CADM2: variants seen among roughly 807,000 people sequenced by gnomAD.
CADM2 encodes the protein cell adhesion molecule 2.
In CADM2, 12 loss-of-function variants were observed where a neutral mutation model predicts 49.8. The ratio of observed to expected loss-of-function variants is 0.24; its 90% CI spans 0.15 to 0.39. The LOEUF (loss-of-function observed/expected upper bound fraction) is 0.39, where lower values mean the gene tolerates loss of function less well. Among genes scored for constraint, CADM2 ranks in the 10% least tolerant of loss-of-function variants. The pLI is 1.00. For synonymous variants in CADM2, 214 were observed against 175.4 expected (o/e 1.22, Z -1.74); for missense variants, 378 against 492.3 (o/e 0.77, Z 2.20).
chr3:85,348,260 T>C (rs2030969964), intron 1 of CADM2, among the ~76,000 whole-genome samples: 1 of 152,188 alleles, frequency 6.6e-6, no homozygotes, highest in South Asian at 2.1e-4. Context: ...GGAAAGGCCA[T>C]GCTTATGTTC....
At chr3:85,647,894 T>C (rs1216461204) in intron 1 of CADM2, among the ~76,000 whole-genome samples, 1 of 151,886 alleles carries the variant, frequency 6.6e-6, no homozygotes, top group East Asian at 1.9e-4. Flanking sequence ...TGATTAGTGT[T>C]TATGTATCAA....
At chr3:85,750,736 C>G (rs544109247) in intron 2 of CADM2, among the ~76,000 whole-genome samples, 5 of 151,874 alleles carry the variant, frequency 3.3e-5, no homozygotes, top group Non-Finnish European at 7.4e-5. Flanking sequence ...TGCTCTGGCA[C>G]TAAGATAAAA....
intron 1 of CADM2, among the ~76,000 whole-genome samples, chr3:85,158,877 T>A (rs937712570): frequency 1.8e-4 from 27 of 151,802 alleles, no homozygotes; most frequent in South Asian, 1.2e-3. Context: ...AATAAAAATT[T>A]AAAAAAAATT....
chr3:85,765,271 A>G (rs1298173256), intron 2 of CADM2, among the ~76,000 whole-genome samples: 1 of 152,100 alleles, frequency 6.6e-6, no homozygotes, highest in Admixed American at 6.5e-5. Flanking sequence ...ATCAACCTGG[A>G]TGCTTCTAAG....
At chr3:85,504,505 G>C (rs2040239656) in intron 1 of CADM2, among the ~76,000 whole-genome samples, 1 of 152,198 alleles carries the variant, frequency 6.6e-6, no homozygotes, top group East Asian at 1.9e-4. Context: ...GATTGGTAGA[G>C]CCGAGTGGTC....
intron 1 of CADM2, among the ~76,000 whole-genome samples, chr3:85,109,243 G>T (rs1390157255): frequency 4.6e-5 from 7 of 151,960 alleles, no homozygotes; most frequent in African/African-American, 1.7e-4. Flanking sequence ...TCCAGACACA[G>T]ATTATTTTTC....
intron 3 of CADM2, among the ~76,000 whole-genome samples, chr3:85,860,740 AC>A (rs1442634485): frequency 6.6e-6 from 1 of 152,080 alleles, no homozygotes; most frequent in Non-Finnish European, 1.5e-5. Flanking sequence ...TTATTCCATC[AC>A]CTTGGGAGTT....
intron 1 of CADM2, among the ~76,000 whole-genome samples, chr3:85,035,325 A>T (rs1328857224): frequency 6.6e-6 from 1 of 151,996 alleles, no homozygotes; most frequent in South Asian, 2.1e-4. Flanking sequence ...TTATTAATTC[A>T]TTGTCTGATG....
At chr3:85,836,700 G>T (rs576961928) in intron 3 of CADM2, among the ~76,000 whole-genome samples, 20 of 151,638 alleles carry the variant, frequency 1.3e-4, no homozygotes, top group African/African-American at 4.6e-4. Flanking sequence ...GATATCCAGG[G>T]AAACTTCAAA....
chr3:85,012,646 C>T (rs1295265299), intron 1 of CADM2, among the ~76,000 whole-genome samples: 1 of 150,934 alleles, frequency 6.6e-6, no homozygotes, highest in Non-Finnish European at 1.5e-5. Flanking sequence ...TTATATGCAT[C>T]TTCATAAAGT....
intron 1 of CADM2, among the ~76,000 whole-genome samples, chr3:85,347,142 A>C (rs928719154): frequency 7.1e-6 from 1 of 141,758 alleles, no homozygotes; most frequent in African/African-American, 2.6e-5. Context: ...AGAATACTTG[A>C]ATCCAGCCGG....
intron 1 of CADM2, among the ~76,000 whole-genome samples, chr3:85,089,188 G>A (rs1044908097): frequency 2.6e-5 from 4 of 152,026 alleles, no homozygotes; most frequent in African/African-American, 7.2e-5. Context: ...ATATTTTGAA[G>A]AAATCTGACA....
chr3:85,769,237 CACATATAT>C (rs1309552955), intron 2 of CADM2, among the ~76,000 whole-genome samples: 5 of 117,840 alleles, frequency 4.2e-5, no homozygotes, highest in South Asian at 2.4e-4. Flanking sequence ...CACACATATA[CACATATAT>C]ACATATATAG....
intron 6 of CADM2, among the ~76,000 whole-genome samples, chr3:85,929,787 T>A (rs1398380025): frequency 6.6e-6 from 1 of 152,078 alleles, no homozygotes; most frequent in African/African-American, 2.4e-5. Context: ...ATAGTAGTTC[T>A]AAACGCATTT....
chr3:85,478,218 A>G (rs557233442), intron 1 of CADM2, among the ~76,000 whole-genome samples: 2 of 152,032 alleles, frequency 1.3e-5, no homozygotes, highest in South Asian at 2.1e-4. Flanking sequence ...CATATAATCT[A>G]AAGTTCTCTA....
chr3:85,932,724 T>C (rs1388765959), intron 6 of CADM2, among the ~76,000 whole-genome samples: 1 of 152,184 alleles, frequency 6.6e-6, no homozygotes, highest in Non-Finnish European at 1.5e-5. Flanking sequence ...TTTACATAAA[T>C]TCTGTTTTTG....
intron 1 of CADM2, among the ~76,000 whole-genome samples, chr3:84,963,686 C>T (rs116959697): frequency 0.015 from 2,271 of 152,136 alleles, 37 homozygotes; most frequent in East Asian, 0.079. Context: ...TCTCATTGGA[C>T]GTACATAATA....
intron 5 of CADM2, among the ~76,000 whole-genome samples, chr3:85,902,450 AT>A (rs1283791225): frequency 2.0e-5 from 3 of 151,902 alleles, no homozygotes. Flanking sequence ...TATTTTTATC[AT>A]TTAAAAAAAT....
intron 1 of CADM2, among the ~76,000 whole-genome samples, chr3:85,340,470 T>C (rs1053219058): frequency 6.6e-6 from 1 of 151,612 alleles, no homozygotes; most frequent in African/African-American, 2.4e-5. Flanking sequence ...ATGTGCATTA[T>C]AGATACATAT....
Sources: gnomAD v4.1 joint callset for allele counts (sites outside exome capture counted in the v4.1 genomes callset) on GRCh38, gnomAD v4.1.1 for gene constraint, MANE v1.5 for transcripts, NCBI Gene and HGNC (gene_info 2026-07-23, HGNC 2026-07-21) for gene names.